Variants in CEP192 observed in about 807,000 individuals in gnomAD.
CEP192 encodes centrosomal protein of 192 kDa.
A neutral mutation model predicts 271.8 loss-of-function variants in CEP192; 151 were observed. The ratio of observed to expected loss-of-function variants is 0.56; its 90% CI spans 0.49 to 0.64. The LOEUF (loss-of-function observed/expected upper bound fraction) is 0.64. Ranked by LOEUF, CEP192 falls within the 30% of genes least tolerant of loss-of-function variation. The pLI is 0.00. For missense variants in CEP192, 2,910 were observed against 3,020.5 expected, an observed-to-expected ratio of 0.96 and a Z score of 0.86; for synonymous variants, 995 against 1,076.5, an observed-to-expected ratio of 0.92 and a Z score of 1.48.
chr18:13,103,503 T>G lies in CEP192; in HGVS notation c.6872-6T>G, dbSNP rs762969119. On this transcript the variant is annotated splice_region_variant and splice_polypyrimidine_tract_variant and intron_variant, in intron 38 of 44. Coordinates refer to ENST00000506447, the MANE Select transcript of CEP192 (RefSeq NM_032142.4). ...GTTTGAGTTATGATATATGTGTTCC[T>G]TTTAGAGAGCTGTCTAGAACTCGAG... 3.7e-6 allele frequency: 6 copies of G among 1,612,104 alleles called. No homozygotes were observed. The East Asian group carries it at 1.1e-4, about 30-fold the overall frequency.
intron 42 of CEP192, among the ~76,000 whole-genome samples, chr18:13,114,484 C>T (rs1487684063): frequency 1.3e-5 from 2 of 152,226 alleles, no homozygotes; most frequent in East Asian, 3.9e-4. Flanking sequence ...CATATATATA[C>T]ATATGTATGT....
rs1013696938 is a variant in CEP192 at position 13,056,628 on chromosome 18, T to C, written c.4038T>C (p.Pro1346=). ...AGAACCTGCTAAGCACAACAAAACC[T>C]TTTCCTGTGCCGTCTGTTGGTACAA... ...LNQNLLSTTK[P]FPVPSVGTNC... Residue 1346 remains proline, a synonymous_variant, in exon 19 of 45, where the codon CCT becomes CCC. Coordinates refer to ENST00000506447, the MANE Select transcript of CEP192 (RefSeq NM_032142.4). 2 of 1,613,852 alleles carry C rather than the reference T, an allele frequency of 1.2e-6. No homozygotes were observed. Among genetic ancestry groups the C allele is most frequent in the African/African-American group, 2.7e-5 (2 of 74,924 alleles).
chr18:13,064,544 G>A (rs996990658), intron 21 of CEP192, among the ~76,000 whole-genome samples: 4 of 151,458 alleles, frequency 2.6e-5, no homozygotes, highest in East Asian at 2.0e-4. Context: ...CCCGGGAGGC[G>A]GAGCTTGCAG....
intron 28 of CEP192, 73 bp from the exon 29 acceptor site, chr18:13,072,682 A>G: frequency 9.4e-7 from 1 of 1,060,654 alleles, no homozygotes; most frequent in Non-Finnish European, 1.5e-6. Flanking sequence ...GTTGGTTTTA[A>G]TTGGCTTTAT....
Position 13,093,157 on chromosome 18 carries a change from A to AAAAAC in CEP192, c.6254+645_6254+649dup, listed in dbSNP as rs576044880. 1.4e-3 allele frequency among the ~76,000 whole-genome samples: 212 copies of AAAAAC among 152,280 alleles called. 2 individuals are homozygous for AAAAAC. The highest frequency in any genetic ancestry group is 4.9e-3 in the African/African-American group (203 of 41,552). On this transcript the variant is annotated intron_variant, in intron 34 of 44. Transcript: ENST00000506447. ...CTGGGCAATAGCAAGACTCTGTCTC[A>AAAAAC]AAAACAAAACAAAACAAAAAAACAC... is the stretch of plus-strand genomic sequence containing the variant.
In CEP192 at chr18:13,019,188, T is replaced by C; in HGVS notation, c.1032T>C (p.Ile344=). ...TEKEIENLKG[I]VPDLNSECAS... is the part of the protein sequence containing the mutation. ...AAGAAATAGAAAATTTGAAGGGTAT[T>C]GTTCCAGATCTTAACAGTGTAAGTT... The change falls in exon 9 of 45, where the codon ATT becomes ATC. Residue 344 remains isoleucine, a synonymous_variant. Transcript: ENST00000506447. 1.3e-6 allele frequency: 2 copies of C among 1,540,326 alleles called. No individual in the cohort carries two copies. The highest frequency in any genetic ancestry group is 1.2e-5 in the South Asian group (1 of 81,530).
chr18:12,998,464 C>A (rs1444198348), intron 1 of CEP192, among the ~76,000 whole-genome samples: 2 of 152,170 alleles, frequency 1.3e-5, no homozygotes, highest in Admixed American at 6.5e-5. Context: ...CTAATTTAGT[C>A]TCTCAGTTTG....
chr18:13,121,738 G>A (rs2040669616), intron 44 of CEP192, among the ~76,000 whole-genome samples: 1 of 152,068 alleles, frequency 6.6e-6, no homozygotes, highest in African/African-American at 2.4e-5. Flanking sequence ...TAGCTAATAG[G>A]TTCCACCTCA....
chr18:13,046,625 TA>T lies in CEP192; in HGVS notation c.2068-2229del, dbSNP rs2036495710. Among the ~76,000 whole-genome samples, 4 of 152,120 alleles carry T rather than the reference TA, an allele frequency of 2.6e-5. No homozygotes were observed. In the South Asian group the frequency reaches 8.3e-4, roughly 32 times the overall value. On this transcript the variant is annotated intron_variant, in intron 15 of 44. Transcript: ENST00000506447. ...TGTCTCTTGGCTTACTGATGTTTAG[TA>T]AAAATTCTTTGTTTTCTTTTAAATG...
At chr18:13,089,111 C>T (rs2039025885) in intron 32 of CEP192, among the ~76,000 whole-genome samples, 2 of 152,112 alleles carry the variant, frequency 1.3e-5, no homozygotes, top group Admixed American at 6.5e-5. Context: ...TATTCCCCTT[C>T]AAATGTTTCC....
chr18:12,996,639 A>G (rs1384822718), intron 1 of CEP192, among the ~76,000 whole-genome samples: 1 of 152,156 alleles, frequency 6.6e-6, no homozygotes, highest in South Asian at 2.1e-4. Context: ...GTGGAGGTCT[A>G]GGAGATAAGG....
At chr18:13,104,738 T>C (rs567077146) in intron 39 of CEP192, among the ~76,000 whole-genome samples, 1 of 152,354 alleles carries the variant, frequency 6.6e-6, no homozygotes, top group South Asian at 2.1e-4. Flanking sequence ...ACTATAAAGA[T>C]CACTATAGCC....
chr18:13,099,048 C>T (rs903547184), intron 36 of CEP192, among the ~76,000 whole-genome samples: 4 of 152,018 alleles, frequency 2.6e-5, no homozygotes, highest in African/African-American at 4.8e-5. Context: ...GGCGTGGCAG[C>T]GCGCGCCTGC....
At chr18:13,026,279 G>A (rs886783471) in intron 9 of CEP192, among the ~76,000 whole-genome samples, 3 of 151,996 alleles carry the variant, frequency 2.0e-5, no homozygotes, top group Admixed American at 6.6e-5. Flanking sequence ...GTTTCTTTAG[G>A]ATTTTTTCTT....
At position 13,028,781 on chromosome 18, in the gene CEP192, A is replaced by G. The variant is rs148806689; in HGVS notation, c.1051-882A>G. 6.1e-3 allele frequency among the ~76,000 whole-genome samples: 931 copies of G among 152,296 alleles called. 10 individuals are homozygous for G. The highest frequency in any genetic ancestry group is 0.021 in the African/African-American group (875 of 41,544). ...GTGATCCGTCCGCCTCGGCCTCCCA[A>G]AGTGCTGGGATTACAGGTGTGAGCT... On this transcript the variant is annotated intron_variant, in intron 9 of 44. Coordinates refer to ENST00000506447, the MANE Select transcript of CEP192 (RefSeq NM_032142.4).
chr18:12,993,609 A>G lies in CEP192; in HGVS notation c.-5+2172A>G, dbSNP rs547318170. ...GCTGTCCTTCCACCGTGGCCTCCTG[A>G]GTAGCTGGGACTCCAAGGCATGCAC... is the stretch of plus-strand genomic sequence containing the variant. On this transcript the variant is annotated intron_variant, in intron 1 of 44. Coordinates refer to ENST00000506447, the MANE Select transcript of CEP192 (RefSeq NM_032142.4). Among the ~76,000 whole-genome samples the G allele has an allele frequency of 4.6e-5, 7 of 152,256 alleles. No individual in the cohort carries two copies. In the East Asian group the frequency reaches 1.2e-3, roughly 25 times the overall value.
rs778260364 is a variant in CEP192 at position 13,087,227 on chromosome 18, G to T, written c.5827G>T (p.Val1943Leu). ...SQKKVLLDPK[V>L]LRIFPDKFVL... ...GAAAAAAGTTTTGCTGGATCCTAAA[G>T]TATTGAGGATTTTTCCAGATAAATT... The change falls in exon 31 of 45, where the codon GTA becomes TTA. Residue 1943 changes from valine (V) to leucine (L), a missense_variant. Physicochemically the swap from Val to Leu is conservative, Grantham distance 32. Coordinates refer to ENST00000506447, the MANE Select transcript of CEP192 (RefSeq NM_032142.4). 6 of 1,611,680 alleles carry T rather than the reference G, an allele frequency of 3.7e-6. No individual in the cohort carries two copies. In the South Asian group the frequency reaches 6.6e-5, roughly 18 times the overall value.
chr18:13,087,342 T>C (rs1328020258), intron 31 of CEP192, 65 bp downstream of exon 31: 1 of 1,384,730 alleles, frequency 7.2e-7, no homozygotes, highest in Non-Finnish European at 9.9e-7. Context: ...AATTATGTAT[T>C]TTAAAGCCAA....
intron 9 of CEP192, among the ~76,000 whole-genome samples, chr18:13,021,458 C>T (rs2034990835): frequency 6.6e-6 from 1 of 152,088 alleles, no homozygotes; most frequent in African/African-American, 2.4e-5. Context: ...CTTCTCTAGC[C>T]CATTGGTCTA....
Sources: allele counts gnomAD v4.1 joint callset (sites outside exome capture counted in the v4.1 genomes callset), GRCh38; gene constraint gnomAD v4.1.1; transcripts MANE v1.5; gene names NCBI Gene and HGNC (gene_info 2026-07-23, HGNC 2026-07-21).